Variants in FBXO34 observed in about 807,000 individuals in gnomAD.
FBXO34 encodes F-box protein 34.
A neutral mutation model predicts 24.5 loss-of-function variants in FBXO34; 12 were observed. The ratio of observed to expected loss-of-function variants is 0.49; its 90% CI spans 0.31 to 0.79. The LOEUF (loss-of-function observed/expected upper bound fraction) is 0.79. Ranked by LOEUF, FBXO34 falls within the 30% of genes least tolerant of loss-of-function variation. FBXO34 has a pLI of 0.04. For synonymous variants in FBXO34, 320 were observed against 311.9 expected (o/e 1.03, Z -0.27); for missense variants, 823 against 857.7 (o/e 0.96, Z 0.51).
At chr14:55,290,965 A>C (rs1238163364) in intron 1 of FBXO34, among the ~76,000 whole-genome samples, 8 of 150,912 alleles carry the variant, frequency 5.3e-5, no homozygotes, top group East Asian at 3.9e-4. Flanking sequence ...GATTACAGGC[A>C]CCTGCCACCA....
rs142036066 is a variant in FBXO34 at position 55,327,321 on chromosome 14, G to A, written c.-10-23060G>A. Reference sequence around the variant, plus strand: ...GAGTAGAACATGAGAAAGAGAGGGGGCATCTTAGAAACCATTGAAGGGTGT... The same window carrying A: ...GAGTAGAACATGAGAAAGAGAGGGGACATCTTAGAAACCATTGAAGGGTGT... On this transcript the variant is annotated intron_variant, in intron 1 of 1. Coordinates refer to ENST00000313833, the MANE Select transcript of FBXO34 (RefSeq NM_017943.4). Among the ~76,000 whole-genome samples the A allele has an allele frequency of 9.2e-5, 14 of 152,196 alleles. No individual in the cohort carries two copies. In the East Asian group the frequency reaches 2.7e-3, roughly 29 times the overall value.
the FBXO34 span, among the ~76,000 whole-genome samples, chr14:55,410,511 TAA>T: frequency 2.6e-4 from 40 of 152,038 alleles, no homozygotes; most frequent in African/African-American, 9.2e-4. Flanking sequence ...GCAACAAAAC[TAA>T]AAAAGAGTTT....
the FBXO34 span, among the ~76,000 whole-genome samples, chr14:55,433,249 T>G: frequency 6.6e-6 from 1 of 151,738 alleles, no homozygotes; most frequent in Non-Finnish European, 1.5e-5. Flanking sequence ...CCACCTCAGC[T>G]TCCCAAGTAG....
At chr14:55,413,639 C>T in the FBXO34 span, 3 of 413,778 alleles carry the variant, frequency 7.3e-6, no homozygotes, top group Non-Finnish European at 1.4e-5. Flanking sequence ...GTGGAGCAGG[C>T]TGGCGCTTCA....
At chr14:55,361,528 A>G (rs1284796718) in intron 3 of FBXO34, among the ~76,000 whole-genome samples, 1 of 152,162 alleles carries the variant, frequency 6.6e-6, no homozygotes, top group African/African-American at 2.4e-5. Context: ...GCCCCTAATG[A>G]GAGAGTCAGC....
At chr14:55,367,704 A>T in exon 3 of FBXO34, 1 of 151,940 alleles carries the variant, frequency 6.6e-6, no homozygotes, top group African/African-American at 2.4e-5. Context: ...AGATGGTGCC[A>T]CTACACTCCA....
chr14:55,285,623 A>G (rs1594726012), intron 1 of FBXO34: 7 of 152,286 alleles, frequency 4.6e-5, no homozygotes, highest in South Asian at 2.1e-4. Context: ...TTTAGGGGAC[A>G]TAACTAGAAG....
the FBXO34 span, among the ~76,000 whole-genome samples, chr14:55,442,007 C>T: frequency 2.0e-5 from 3 of 151,888 alleles, no homozygotes; most frequent in East Asian, 5.9e-4. Context: ...AGGTGATCCA[C>T]CTGCCTTGGC....
the FBXO34 span, among the ~76,000 whole-genome samples, chr14:55,402,659 G>A: frequency 6.6e-6 from 1 of 151,176 alleles, no homozygotes; most frequent in South Asian, 2.1e-4. Flanking sequence ...TTAAAAACCT[G>A]GTCCTTATCA....
At chr14:55,289,291 A>G (rs1327826744) in intron 1 of FBXO34, among the ~76,000 whole-genome samples, 1 of 152,124 alleles carries the variant, frequency 6.6e-6, no homozygotes, top group East Asian at 1.9e-4. Context: ...AAACCTTCAA[A>G]TCATTGAAAT....
At chr14:55,383,136 A>C in the FBXO34 span, among the ~76,000 whole-genome samples, 2 of 152,266 alleles carry the variant, frequency 1.3e-5, no homozygotes, top group Non-Finnish European at 2.9e-5. Context: ...TTCAGTGTGC[A>C]GCACAAGGGC....
At chr14:55,406,217 T>C in the FBXO34 span, among the ~76,000 whole-genome samples, 2 of 152,140 alleles carry the variant, frequency 1.3e-5, no homozygotes, top group African/African-American at 2.4e-5. Context: ...AGCTAGTCTG[T>C]TAATGAAACC....
Position 55,301,472 on chromosome 14 carries a change from T to A in FBXO34, c.-11+29935T>A, listed in dbSNP as rs369916766. On this transcript the variant is annotated intron_variant, in intron 1 of 1. Coordinates refer to ENST00000313833, the MANE Select transcript of FBXO34 (RefSeq NM_017943.4). Reference sequence around the variant, plus strand: ...AACAAGAAAAACTTCTTTGTTAATATTATACAGCATCTAGCATTGTTAGGT... The same window carrying A: ...AACAAGAAAAACTTCTTTGTTAATAATATACAGCATCTAGCATTGTTAGGT... Among the ~76,000 whole-genome samples the A allele has an allele frequency of 9.5e-4, 144 of 152,234 alleles. 3 individuals are homozygous for A. In the South Asian group the frequency reaches 0.029, roughly 31 times the overall value.
At chr14:55,287,019 G>A (rs987027500) in intron 1 of FBXO34, among the ~76,000 whole-genome samples, 2 of 148,584 alleles carry the variant, frequency 1.3e-5, no homozygotes, top group South Asian at 2.1e-4. Flanking sequence ...AGCGATTCTC[G>A]TGCCTTGGCC....
At chr14:55,383,237 C>A in the FBXO34 span, among the ~76,000 whole-genome samples, 1 of 150,710 alleles carries the variant, frequency 6.6e-6, no homozygotes. Flanking sequence ...TGAAAATATT[C>A]GGGGGAAAAA....
At chr14:55,329,955 G>C (rs936204442) in intron 1 of FBXO34, among the ~76,000 whole-genome samples, 6 of 151,856 alleles carry the variant, frequency 4.0e-5, no homozygotes, top group African/African-American at 1.5e-4. Flanking sequence ...TACTACTGGT[G>C]TTCCTCTTCC....
At chr14:55,353,758 A>G (rs533135109), downstream of FBXO34, 1 of 160,224 alleles carries the variant, frequency 6.2e-6, no homozygotes, top group South Asian at 2.1e-4. Flanking sequence ...ATCTTCACTT[A>G]ACATTGAAGT....
chr14:55,357,460 C>T (rs1884538463), downstream of FBXO34, among the ~76,000 whole-genome samples: 1 of 152,200 alleles, frequency 6.6e-6, no homozygotes. Context: ...TTTTGGGACC[C>T]CCCTCTCATT....
At chr14:55,332,946 G>A (rs1883649369) in intron 1 of FBXO34, among the ~76,000 whole-genome samples, 1 of 152,198 alleles carries the variant, frequency 6.6e-6, no homozygotes, top group African/African-American at 2.4e-5. Context: ...CAAGATGCAG[G>A]TGAATTTGGG....
Sources: gnomAD v4.1 joint callset for allele counts (sites outside exome capture counted in the v4.1 genomes callset) on GRCh38, gnomAD v4.1.1 for gene constraint, MANE v1.5 for transcripts, NCBI Gene and HGNC (gene_info 2026-07-23, HGNC 2026-07-21) for gene names.